Variants in SLC43A3 observed in about 807,000 individuals in gnomAD.
SLC43A3 encodes the protein solute carrier family 43 member 3, also known as equilibrative nucleobase transporter 1.
In SLC43A3, 33 loss-of-function variants were observed where a neutral mutation model predicts 53.3. The observed-to-expected ratio is 0.62, with a 90% CI of 0.47 to 0.83. SLC43A3 has a LOEUF of 0.83. Among genes scored for constraint, SLC43A3 ranks in the 40% least tolerant of loss-of-function variants. The probability of loss-of-function intolerance (pLI) is 0.00; values close to 1 mark genes in which losing one functional copy is unlikely to be tolerated. For missense variants in SLC43A3, 530 were observed against 610.0 expected (o/e 0.87, Z 1.38); for synonymous variants, 236 against 246.2 (o/e 0.96, Z 0.39).
At chr11:57,415,163 GGGGAGT>G in intron 9 of SLC43A3, 57 bp from the exon 10 acceptor site, 1 of 1,584,730 alleles carries the variant, frequency 6.3e-7, no homozygotes, top group Non-Finnish European at 8.6e-7. Context: ...CAGGTAGGAT[GGGGAGT>G]GTGGAGGCTT....
rs191670789 is a variant in SLC43A3, at chr11:57,408,091, G to A, written c.1372-195C>T. On this transcript the variant is annotated intron_variant, in intron 13 of 13. Coordinates refer to ENST00000395124, the MANE Select transcript of SLC43A3 (RefSeq NM_199329.3). ...CAGTTACTTTTCATTCTGCACTATC[G>A]GTTGGGGTAGAGGAGGAATATCAAG... 486 of 541,094 alleles carry A rather than the reference G, an allele frequency of 9.0e-4. 3 individuals are homozygous for A. Among genetic ancestry groups the A allele is most frequent in the African/African-American group, 8.1e-3 (428 of 52,876 alleles). The allele number at this position is 541,094 out of a possible 1,614,324, so 33.5% of individuals were successfully genotyped here.
At chr11:57,408,942 A>G (rs903173394) in intron 13 of SLC43A3, among the ~76,000 whole-genome samples, 3 of 152,206 alleles carry the variant, frequency 2.0e-5, no homozygotes, top group Non-Finnish European at 2.9e-5. Flanking sequence ...CAAGCAGGAA[A>G]CACCTTTGAG....
At chr11:57,412,880 C>T (rs1335672444) in intron 11 of SLC43A3, among the ~76,000 whole-genome samples, 1 of 151,516 alleles carries the variant, frequency 6.6e-6, no homozygotes, top group African/African-American at 2.4e-5. Flanking sequence ...AGGCATTGAT[C>T]ATTAATGGCT....
intron 12 of SLC43A3, 41 bp from the exon 13 acceptor site, chr11:57,409,339 A>AC: frequency 1.2e-6 from 2 of 1,611,768 alleles, no homozygotes; most frequent in Middle Eastern, 1.7e-4. Flanking sequence ...AGCTTCAGGG[A>AC]CCCTCCCTCC....
chr11:57,420,388 T>G (rs1942931359), intron 7 of SLC43A3, among the ~76,000 whole-genome samples: 1 of 152,220 alleles, frequency 6.6e-6, no homozygotes, highest in Admixed American at 6.5e-5. Flanking sequence ...TGGATTGCCA[T>G]GGTTGGCTTT....
chr11:57,414,838 A>G (rs1590688794), intron 10 of SLC43A3, 95 bp downstream of exon 10: 1 of 1,542,600 alleles, frequency 6.5e-7, no homozygotes, highest in Non-Finnish European at 8.9e-7. Context: ...TCCCCACACC[A>G]TCAGACCCTC....
chr11:57,416,749 G>A lies in SLC43A3; in HGVS notation c.672-79C>T, dbSNP rs532967325. On this transcript the variant is annotated intron_variant, in intron 8 of 13. Coordinates refer to ENST00000395124, the MANE Select transcript of SLC43A3 (RefSeq NM_199329.3). ...GACTCAGACTGGAGGGAATAGCATG[G>A]TGAATCCCACATTCCACCGCACTTT... 452 of 1,081,834 alleles carry A rather than the reference G, an allele frequency of 4.2e-4. 2 individuals carry two copies. In the South Asian group the frequency reaches 5.5e-3, roughly 13 times the overall value. 67.0% of individuals were successfully genotyped at this position (1,081,834 alleles called of 1,614,324 possible). A position where few individuals can be genotyped will look rare whatever the true frequency, so the allele number is the denominator to read the frequency against.
Position 57,426,149 on chromosome 11 carries a change from C to CA in SLC43A3, c.23dup (p.His9AlafsTer32). 1 of 1,614,044 alleles carries CA rather than the reference C, an allele frequency of 6.2e-7. No individual in the cohort carries two copies. ...GCCCAGTCAGCAGTGTGGCCACGTG[C>CA]AGGGGCAGGCCCTGGCCCGCCATGA... is the stretch of plus-strand genomic sequence containing the variant. On this transcript the variant is annotated frameshift_variant, in exon 3 of 14. Transcript: ENST00000395124. LOFTEE classifies it high-confidence loss of function.
At position 57,407,002 on chromosome 11, in the gene SLC43A3, GAA is replaced by G. The variant is rs1942251058; in HGVS notation, c.*788_*789del. 6.6e-6 allele frequency: 1 copy of G among 152,114 alleles called. No individual in the cohort carries two copies. Among genetic ancestry groups the G allele is most frequent in the Non-Finnish European group, 1.5e-5 (1 of 68,042 alleles). 9.4% of individuals were successfully genotyped at this position (152,114 alleles called of 1,614,324 possible). On this transcript the variant is annotated 3_prime_UTR_variant, in exon 14 of 14. Transcript: ENST00000395124. ...TTTTTCTATAAAATTATTCCCGAGA[GAA>G]ATTTTCTTTTAAATGCCCAAAGTAA... is the stretch of plus-strand genomic sequence containing the variant.
At chr11:57,409,805 C>T (rs1246370880) in intron 12 of SLC43A3, 130 bp downstream of exon 12, 7 of 834,952 alleles carry the variant, frequency 8.4e-6, no homozygotes, top group Admixed American at 5.8e-5. Flanking sequence ...CCCCTCCACA[C>T]CTGCCCCCAA....
chr11:57,407,958 A>G, intron 13 of SLC43A3, 62 bp from the exon 14 acceptor site: 2 of 1,131,876 alleles, frequency 1.8e-6, no homozygotes. Flanking sequence ...CTGTTGCTCA[A>G]TGAAGCAAGC....
At chr11:57,418,339 A>G (rs1452759936) in intron 7 of SLC43A3, among the ~76,000 whole-genome samples, 2 of 139,628 alleles carry the variant, frequency 1.4e-5, no homozygotes, top group African/African-American at 5.6e-5. Flanking sequence ...GCCTCCAAAT[A>G]AAAAAAAAAA....
At chr11:57,415,430 A>C (rs1565097576) in intron 9 of SLC43A3, 2 of 1,334,646 alleles carry the variant, frequency 1.5e-6, no homozygotes, top group Non-Finnish European at 2.0e-6. Context: ...AGGAACGACA[A>C]GGAGAGGAGA....
intron 11 of SLC43A3, among the ~76,000 whole-genome samples, chr11:57,412,290 G>A (rs953359601): frequency 1.3e-5 from 2 of 152,168 alleles, no homozygotes; most frequent in Non-Finnish European, 2.9e-5. Context: ...GACAATTTGA[G>A]CATCAAGAAG....
chr11:57,414,757 T>C (rs1421124871), intron 10 of SLC43A3, 26 bp from the exon 11 acceptor site: 1 of 1,594,754 alleles, frequency 6.3e-7, no homozygotes, highest in African/African-American at 1.3e-5. Flanking sequence ...AGAGGTTGGT[T>C]GATGAGAAGT....
intron 9 of SLC43A3, 108 bp downstream of exon 9, chr11:57,416,465 C>T (rs1942727529): frequency 6.3e-6 from 5 of 796,172 alleles, no homozygotes; most frequent in Admixed American, 2.2e-5. Context: ...TTCTGTCCTG[C>T]CTTTCCTGAT....
chr11:57,425,817 C>A, intron 3 of SLC43A3, 147 bp from the exon 4 acceptor site: 1 of 1,418,256 alleles, frequency 7.1e-7, no homozygotes, highest in Admixed American at 2.1e-5. Context: ...AATTACCCCT[C>A]AGGAGCTGGT....
chr11:57,413,608 T>G (rs917068540), intron 11 of SLC43A3, among the ~76,000 whole-genome samples: 1 of 152,182 alleles, frequency 6.6e-6, no homozygotes, highest in African/African-American at 2.4e-5. Context: ...TGCAAAATGT[T>G]AGTCTACTTT....
At chr11:57,424,292 T>C (rs1943110756) in intron 4 of SLC43A3, among the ~76,000 whole-genome samples, 3 of 152,118 alleles carry the variant, frequency 2.0e-5, no homozygotes, top group Admixed American at 2.0e-4. Flanking sequence ...TCTTGGACAA[T>C]GAGCTCAGCT....
Sources: allele counts gnomAD v4.1 joint callset (sites outside exome capture counted in the v4.1 genomes callset), GRCh38; gene constraint gnomAD v4.1.1; transcripts MANE v1.5; gene names NCBI Gene and HGNC (gene_info 2026-07-23, HGNC 2026-07-21).